The following CDC34 variants were observed in gnomAD, a reference collection of about 807,000 sequenced individuals.
CDC34 encodes cell division cycle 34, ubiquitin conjugating enzyme.
CDC34 carries 18 observed loss-of-function variants against 26.8 expected under a neutral mutation model. The observed-to-expected ratio is 0.67, with a 90% confidence interval of 0.47 to 1.00. The LOEUF (loss-of-function observed/expected upper bound fraction) is 1.00, where lower values mean the gene tolerates loss of function less well. Ranked by LOEUF, CDC34 falls within the 50% of genes least tolerant of loss-of-function variation. The pLI, the probability that CDC34 is intolerant of heterozygous loss-of-function variation, is 0.00. For missense variants in CDC34, 280 were observed against 334.5 expected (o/e 0.84, Z 1.27); for synonymous variants, 178 against 147.5 (o/e 1.21, Z -1.50).
chr19:535,745 GCACT>G, intron 1 of CDC34, 88 bp from the exon 2 acceptor site: 1 of 940,388 alleles, frequency 1.1e-6, no homozygotes, highest in Non-Finnish European at 1.7e-6. Flanking sequence ...TCAGGCACCA[GCACT>G]GGGAGTGGGA....
At chr19:536,897 C>G (rs1568330675) in intron 3 of CDC34, 116 bp from the exon 4 acceptor site, 2 of 1,151,982 alleles carry the variant, frequency 1.7e-6, no homozygotes, top group Non-Finnish European at 1.3e-6. Context: ...GCCATGAGGC[C>G]AGGTGAAGGT....
At chr19:541,160 C>T (rs868734139) in intron 4 of CDC34, 179 bp from the exon 5 acceptor site, 13 of 787,882 alleles carry the variant, frequency 1.6e-5, no homozygotes, top group African/African-American at 1.6e-4. Context: ...CGAGCCCCCT[C>T]CTCTGTCATT....
At chr19:538,284 C>T (rs997161063) in intron 4 of CDC34, among the ~76,000 whole-genome samples, 5 of 152,216 alleles carry the variant, frequency 3.3e-5, no homozygotes, top group East Asian at 1.9e-4. Flanking sequence ...GCTGTGCAGT[C>T]GCCTACCGGC....
intron 4 of CDC34, 143 bp from the exon 5 acceptor site, chr19:541,196 A>C: frequency 1.8e-6 from 2 of 1,086,574 alleles, no homozygotes; most frequent in Non-Finnish European, 2.5e-6. Context: ...CCTCACGCAC[A>C]GGGCTTTGTC....
At position 538,795 on chromosome 19, in the gene CDC34, G is replaced by T. The variant is rs1362020463; in HGVS notation, c.497+1648G>T. The T allele has an allele frequency of 6.1e-6, 6 of 985,232 alleles. No individual in the cohort carries two copies. The African/African-American group carries it at 7.0e-5, about 11-fold the overall frequency. The allele number at this position is 985,232 out of a possible 1,614,324, so 61.0% of individuals were successfully genotyped here. On this transcript the variant is annotated intron_variant, in intron 4 of 4. Coordinates refer to ENST00000215574, the MANE Select transcript of CDC34 (RefSeq NM_004359.2). ...TCTCGGCTCTGAGCAGCCATGGTGG[G>T]CGGGCCCCGTGCGGCCTCCTGGGAA...
At position 531,860 on chromosome 19, in the gene CDC34, G is replaced by A. The variant is rs969479110; in HGVS notation, c.-72G>A. ...CTCCCCCCCGGACGGTGCGCGGCCCGGCCCGTCTCGCGAACTCGCGGTGGT... is the reference window on the plus strand; with the variant it reads ...CTCCCCCCCGGACGGTGCGCGGCCCAGCCCGTCTCGCGAACTCGCGGTGGT... On this transcript the variant is annotated 5_prime_UTR_variant, in exon 1 of 5. Coordinates refer to ENST00000215574, the MANE Select transcript of CDC34 (RefSeq NM_004359.2). 3 of 1,027,584 alleles carry A rather than the reference G, an allele frequency of 2.9e-6. No individual in the cohort carries two copies. The highest frequency in any genetic ancestry group is 1.7e-5 in the African/African-American group (1 of 58,560). The allele number at this position is 1,027,584 out of a possible 1,614,324, so 63.7% of individuals were successfully genotyped here. A position where few individuals can be genotyped will look rare whatever the true frequency, so the allele number is the denominator to read the frequency against.
At position 536,936 on chromosome 19, in the gene CDC34, G is replaced by T. The variant is rs562734508; in HGVS notation, c.363-77G>T. 157 of 1,571,002 alleles carry T rather than the reference G, an allele frequency of 1.0e-4. No homozygotes were observed. In the African/African-American group the frequency reaches 1.9e-3, roughly 19 times the overall value. ...CTGCTGGGTGGGTCCAGGCGTCCCCGTGACCCTCAGGGCCAGAGAAGAGCC... is the reference window on the plus strand; with the variant it reads ...CTGCTGGGTGGGTCCAGGCGTCCCCTTGACCCTCAGGGCCAGAGAAGAGCC... On this transcript the variant is annotated intron_variant, in intron 3 of 4. Transcript: ENST00000215574.
At position 535,921 on chromosome 19, in the gene CDC34, G is replaced by A; in HGVS notation, c.262G>A (p.Glu88Lys). The change falls in exon 2 of 5, where the codon GAG becomes AAG. Residue 88 changes from glutamate to lysine, a missense_variant and splice_region_variant. Coordinates refer to ENST00000215574, the MANE Select transcript of CDC34 (RefSeq NM_004359.2). ...LTKMWHPNIY[E>K]TGDVCISILH... is the part of the protein sequence containing the mutation. ...CAAGATGTGGCACCCTAACATCTAC[G>A]AGGTGAGCGCGGCCCCCACGGGCCT... 1.2e-6 allele frequency: 2 copies of A among 1,613,298 alleles called. No individual in the cohort carries two copies. Among genetic ancestry groups the A allele is most frequent in the Non-Finnish European group, 8.5e-7 (1 of 1,179,624 alleles).
chr19:541,693 G>A lies in CDC34; in HGVS notation c.*141G>A. 6 of 924,002 alleles carry A rather than the reference G, an allele frequency of 6.5e-6. No individual in the cohort carries two copies. Among genetic ancestry groups the A allele is most frequent in the Non-Finnish European group, 7.8e-6 (5 of 642,758 alleles). 57.2% of individuals were successfully genotyped at this position (924,002 alleles called of 1,614,324 possible). A position where few individuals can be genotyped will look rare whatever the true frequency, so the allele number is the denominator to read the frequency against. ...GTTTTGGCTTTTTCTCCCTCCCCAT[G>A]TCTGTTCTGGGTTTTCACGTGCTTC... On this transcript the variant is annotated 3_prime_UTR_variant, in exon 5 of 5. Transcript: ENST00000215574.
chr19:536,651 G>C, intron 3 of CDC34: 1 of 541,616 alleles, frequency 1.8e-6, no homozygotes, highest in East Asian at 3.1e-5. Flanking sequence ...GCCGTCTCTG[G>C]GTTGGTCACC....
At chr19:535,181 C>A (rs1979682100) in intron 1 of CDC34, among the ~76,000 whole-genome samples, 1 of 152,230 alleles carries the variant, frequency 6.6e-6, no homozygotes, top group Non-Finnish European at 1.5e-5. Flanking sequence ...ATCTGGACCT[C>A]CAGGGCCTGG....
At chr19:537,302 G>A (rs1979801438) in intron 4 of CDC34, among the ~76,000 whole-genome samples, 155 bp downstream of exon 4, 1 of 152,208 alleles carries the variant, frequency 6.6e-6, no homozygotes. Context: ...TGGAGGCCGG[G>A]CCGAGTGGCG....
At chr19:536,892 GAGGCCAGGTGA>G in intron 3 of CDC34, 110 bp from the exon 4 acceptor site, 1 of 1,072,826 alleles carries the variant, frequency 9.3e-7, no homozygotes, top group East Asian at 2.4e-5. Flanking sequence ...CAGAGGCCAT[GAGGCCAGGTGA>G]AGGTCACCTG....
chr19:533,389 C>G (rs765735962), intron 1 of CDC34, among the ~76,000 whole-genome samples: 21 of 152,246 alleles, frequency 1.4e-4, no homozygotes, highest in African/African-American at 2.2e-4. Flanking sequence ...CTGAACCGCA[C>G]CCGCTCAGCG....
chr19:532,079 AAC>A lies in CDC34; in HGVS notation c.151_152del (p.Thr51LeufsTer34). 2 of 1,523,524 alleles carry A rather than the reference AAC, an allele frequency of 1.3e-6. No individual in the cohort carries two copies. Among genetic ancestry groups the A allele is most frequent in the Non-Finnish European group, 1.7e-6 (2 of 1,144,304 alleles). 94.4% of individuals were successfully genotyped at this position (1,523,524 alleles called of 1,614,324 possible). A position where few individuals can be genotyped will look rare whatever the true frequency, so the allele number is the denominator to read the frequency against. On this transcript the variant is annotated frameshift_variant, in exon 1 of 5. Coordinates refer to ENST00000215574, the MANE Select transcript of CDC34 (RefSeq NM_004359.2). LOFTEE classifies it high-confidence loss of function. Reference sequence around the variant, plus strand: ...GGAGGTGGCCATCTTCGGGCCCCCCAACACCTACTACGAGGGCGGCTACTTCA... The same window carrying A: ...GGAGGTGGCCATCTTCGGGCCCCCCAACCTACTACGAGGGCGGCTACTTCA... ...NWEVAIFGPP[N>X]TYYEGGYFKA... is the part of the protein sequence containing the mutation.
chr19:536,645 T>C (rs760955612), intron 3 of CDC34: 87 of 540,458 alleles, frequency 1.6e-4, no homozygotes, highest in Non-Finnish European at 2.7e-4. Flanking sequence ...TACCCAGCCG[T>C]CTCTGGGTTG....
In CDC34 at chr19:541,424, A is replaced by C. The variant is rs1257631281; in HGVS notation, c.583A>C (p.Lys195Gln). 2 of 1,611,386 alleles carry C rather than the reference A, an allele frequency of 1.2e-6. No homozygotes were observed. Among genetic ancestry groups the C allele is most frequent in the African/African-American group, 2.7e-5 (2 of 74,840 alleles). ...GCTGGCCGAGTACTGCGTGAAGACC[A>C]AGGCGCCGGCGCCCGACGAGGGCTC... ...TTLAEYCVKT[K>Q]APAPDEGSDL... is the part of the protein sequence containing the mutation. Residue 195 changes from lysine (K) to glutamine (Q), a missense_variant, in exon 5 of 5, where the codon AAG (lysine) becomes CAG (glutamine). Physicochemically the swap from Lys to Gln is moderately conservative, Grantham distance 53. Coordinates refer to ENST00000215574, the MANE Select transcript of CDC34 (RefSeq NM_004359.2).
chr19:532,051 C>T lies in CDC34; in HGVS notation c.120C>T (p.Asn40=), dbSNP rs748687986. The T allele has an allele frequency of 7.2e-6, 11 of 1,523,026 alleles. No individual in the cohort carries two copies. The highest frequency in any genetic ancestry group is 2.4e-5 in the Admixed American group (1 of 41,260). 94.3% of individuals were successfully genotyped at this position (1,523,026 alleles called of 1,614,324 possible). Reference sequence around the variant, plus strand: ...TGGTGGACGAGGGCGATCTATACAACTGGGAGGTGGCCATCTTCGGGCCCC... The same window carrying T: ...TGGTGGACGAGGGCGATCTATACAATTGGGAGGTGGCCATCTTCGGGCCCC... ...VTLVDEGDLY[N]WEVAIFGPPN... Residue 40 remains asparagine (N), a synonymous_variant, in exon 1 of 5, where the codon AAC becomes AAT. Coordinates refer to ENST00000215574, the MANE Select transcript of CDC34 (RefSeq NM_004359.2).
chr19:532,984 C>T (rs922376937), intron 1 of CDC34, among the ~76,000 whole-genome samples: 4 of 152,214 alleles, frequency 2.6e-5, no homozygotes, highest in Non-Finnish European at 2.9e-5. Context: ...GCCGTTTCTT[C>T]TGCCCTCTGG....
Sources: gnomAD v4.1 joint callset for allele counts (sites outside exome capture counted in the v4.1 genomes callset) on GRCh38, gnomAD v4.1.1 for gene constraint, MANE v1.5 for transcripts, NCBI Gene and HGNC (gene_info 2026-07-23, HGNC 2026-07-21) for gene names.